Variants in RTN4R observed in about 807,000 individuals in gnomAD.
The protein encoded by RTN4R is reticulon 4 receptor, also known as reticulon-4 receptor.
In RTN4R, 4 loss-of-function variants were observed where a neutral mutation model predicts 27.7. That is an observed-to-expected ratio of 0.14 (90% CI 0.07 to 0.33). The LOEUF (loss-of-function observed/expected upper bound fraction) is 0.33. RTN4R is among the 10% of genes least tolerant of loss of function. The pLI is 1.00. For synonymous variants in RTN4R, 290 were observed against 305.6 expected, an observed-to-expected ratio of 0.95 and a Z score of 0.53; for missense variants, 554 against 671.5, an observed-to-expected ratio of 0.83 and a Z score of 1.93.
chr22:20,263,791 T>C (rs905429060), intron 1 of RTN4R, among the ~76,000 whole-genome samples: 2 of 152,272 alleles, frequency 1.3e-5, no homozygotes, highest in African/African-American at 4.8e-5. Flanking sequence ...GTCTGGCTGC[T>C]GTGGGTTGCC....
At chr22:20,262,131 G>T (rs943551712) in intron 1 of RTN4R, among the ~76,000 whole-genome samples, 6 of 152,336 alleles carry the variant, frequency 3.9e-5, no homozygotes, top group East Asian at 1.9e-4. Context: ...CAGGGTGCAG[G>T]TTTGACACTG....
chr22:20,264,751 C>T (rs977002927), intron 1 of RTN4R, among the ~76,000 whole-genome samples: 5 of 152,182 alleles, frequency 3.3e-5, no homozygotes, highest in African/African-American at 2.4e-5. Context: ...AGGCAGCAGG[C>T]GGCCAAGCCA....
At chr22:20,250,427 C>T (rs187784872) in intron 1 of RTN4R, among the ~76,000 whole-genome samples, 7 of 152,224 alleles carry the variant, frequency 4.6e-5, no homozygotes, top group Admixed American at 6.5e-5. Context: ...AACAGTTTGC[C>T]GACCTGGTTT....
At chr22:20,262,336 G>A (rs1019000020) in intron 1 of RTN4R, among the ~76,000 whole-genome samples, 12 of 152,202 alleles carry the variant, frequency 7.9e-5, no homozygotes, top group Non-Finnish European at 1.5e-4. Context: ...CCGGGCACAC[G>A]GCAGGGAGGA....
At chr22:20,261,453 A>G (rs954206312) in intron 1 of RTN4R, among the ~76,000 whole-genome samples, 4 of 152,166 alleles carry the variant, frequency 2.6e-5, no homozygotes, top group Admixed American at 2.0e-4. Context: ...AGCTGCCACT[A>G]TGGCCGGGTC....
Position 20,243,066 on chromosome 22 carries a change from C to T in RTN4R, c.67G>A (p.Val23Met). 1 of 1,600,340 alleles carries T rather than the reference C, an allele frequency of 6.2e-7. No individual in the cohort carries two copies. Among genetic ancestry groups the T allele is most frequent in the South Asian group, 1.1e-5 (1 of 91,076 alleles). The change falls in exon 2 of 2, where the codon GTG (valine) becomes ATG (methionine). Residue 23 changes from valine (V) to methionine (M), a missense_variant. By Grantham distance (21) the Val-to-Met change is conservative. Transcript: ENST00000043402. ...CAGGCACCTGGGCATGGGGCTGCCA[C>T]CTGCCAGGCCTGCAGCCACAGCACC... ...AWVLWLQAWQVAAPCPGACVC... is the reference protein window; with the variant it reads ...AWVLWLQAWQMAAPCPGACVC...
rs1569044528 is a variant in RTN4R at position 20,268,265 on chromosome 22, C to T, written c.-173G>A. On this transcript the variant is annotated 5_prime_UTR_variant, in exon 1 of 2. Coordinates refer to ENST00000043402, the MANE Select transcript of RTN4R (RefSeq NM_023004.6). ...CCCGGCTCTGGCTGGGCTCGGGCCG[C>T]GGGTGCGCAGGGCGCGCAGGGCGCA... 4.2e-5 allele frequency: 1 copy of T among 23,582 alleles called. No homozygotes were observed. Among genetic ancestry groups the T allele is most frequent in the East Asian group, 2.7e-3 (1 of 368 alleles). 1.5% of individuals were successfully genotyped at this position (23,582 alleles called of 1,614,324 possible). A position where few individuals can be genotyped will look rare whatever the true frequency, so the allele number is the denominator to read the frequency against.
chr22:20,256,390 G>T (rs1859416855), intron 1 of RTN4R, among the ~76,000 whole-genome samples: 1 of 152,208 alleles, frequency 6.6e-6, no homozygotes, highest in Admixed American at 6.5e-5. Flanking sequence ...TCCCACAGAG[G>T]ACACTCCAGC....
chr22:20,267,136 G>A (rs1419114135), intron 1 of RTN4R, among the ~76,000 whole-genome samples: 1 of 152,276 alleles, frequency 6.6e-6, no homozygotes, highest in East Asian at 1.9e-4. Context: ...TGCACCCTCA[G>A]AGTCCGTGTG....
chr22:20,262,876 C>T (rs2051255900), intron 1 of RTN4R, among the ~76,000 whole-genome samples: 1 of 152,190 alleles, frequency 6.6e-6, no homozygotes, highest in African/African-American at 2.4e-5. Context: ...TGGCAGAAGG[C>T]AAATAAAGGC....
intron 1 of RTN4R, among the ~76,000 whole-genome samples, chr22:20,263,240 C>T (rs1282437962): frequency 6.6e-6 from 1 of 152,132 alleles, no homozygotes; most frequent in African/African-American, 2.4e-5. Context: ...TTGCTGGAGG[C>T]CCACAGGTCT....
At chr22:20,254,963 T>C (rs183685064) in intron 1 of RTN4R, among the ~76,000 whole-genome samples, 127 of 152,094 alleles carry the variant, frequency 8.4e-4, no homozygotes, top group Admixed American at 1.6e-3. Flanking sequence ...GGGACCTGGG[T>C]TGGGAAACAC....
At position 20,245,148 on chromosome 22, in the gene RTN4R, C is replaced by T. The variant is rs745319287; in HGVS notation, c.23-2038G>A. Among the ~76,000 whole-genome samples, 9 of 152,082 alleles carry T rather than the reference C, an allele frequency of 5.9e-5. No homozygotes were observed. The South Asian group carries it at 1.0e-3, about 18-fold the overall frequency. On this transcript the variant is annotated intron_variant, in intron 1 of 1. Transcript: ENST00000043402. The stretch of plus-strand genomic sequence containing the variant: ...GCCAGAACTGAGCCACACGGTGGTG[C>T]GGGGTCGGGGGAGACAGGGGAGGAC...
In RTN4R at chr22:20,242,521, G is replaced by C; in HGVS notation, c.612C>G (p.Leu204=). 2 of 1,613,704 alleles carry C rather than the reference G, an allele frequency of 1.2e-6. No individual in the cohort carries two copies. Among genetic ancestry groups the C allele is most frequent in the East Asian group, 2.2e-5 (1 of 44,884 alleles). The change falls in exon 2 of 2, where the codon CTC becomes CTG. Residue 204 remains leucine, a synonymous_variant. Coordinates refer to ENST00000043402, the MANE Select transcript of RTN4R (RefSeq NM_023004.6). ...GGTTCTGGTGCAGTAGGAGACGGTC[G>C]AGGCTGTGCAGCCCACGGAAGGCGC... ...PERAFRGLHS[L]DRLLLHQNRV...
In RTN4R at chr22:20,247,417, G is replaced by A. The variant is rs532186783; in HGVS notation, c.23-4307C>T. Among the ~76,000 whole-genome samples the A allele has an allele frequency of 5.9e-3, 898 of 152,062 alleles. 7 individuals carry two copies. Among genetic ancestry groups the A allele is most frequent in the Admixed American group, 0.012 (188 of 15,280 alleles). ...TCATCCCCACACCACAGAGGGTCAG[G>A]GCACCCCTCCCACGCCTGCTCCCCA... On this transcript the variant is annotated intron_variant, in intron 1 of 1. Coordinates refer to ENST00000043402, the MANE Select transcript of RTN4R (RefSeq NM_023004.6).
chr22:20,262,884 G>A (rs1164808621), intron 1 of RTN4R, among the ~76,000 whole-genome samples: 1 of 152,208 alleles, frequency 6.6e-6, no homozygotes, highest in Non-Finnish European at 1.5e-5. Context: ...GGCAAATAAA[G>A]GCAACATCTC....
At chr22:20,267,709 G>T (rs757691604) in intron 1 of RTN4R, 5 of 439,544 alleles carry the variant, frequency 1.1e-5, no homozygotes, top group Admixed American at 1.0e-4. Flanking sequence ...GCAAAAACCC[G>T]CTCGTTAACC....
rs760043964 is a variant in RTN4R, at chr22:20,242,840, G to C, written c.293C>G (p.Ala98Gly). The C allele has an allele frequency of 1.2e-5, 19 of 1,612,910 alleles. No individual in the cohort carries two copies. The highest frequency in any genetic ancestry group is 1.4e-5 in the Non-Finnish European group (17 of 1,179,952). ...LHSNVLARID[A>G]AAFTGLALLE... ...GAGGGCCAGGCCAGTGAAGGCAGCC[G>C]CATCAATTCGGGCCAGCACATTCGA... is the stretch of plus-strand genomic sequence containing the variant. Residue 98 changes from alanine (A) to glycine (G), a missense_variant, in exon 2 of 2, where the codon GCG becomes GGG. Ala to Gly is a moderately conservative substitution (Grantham distance 60, BLOSUM62 0). Around this residue, in one of 2 missense-constraint regions of RTN4R, gnomAD observed 413 missense variants for 542.3 expected, o/e 0.76. Coordinates refer to ENST00000043402, the MANE Select transcript of RTN4R (RefSeq NM_023004.6).
chr22:20,261,030 C>T (rs1052352399), intron 1 of RTN4R, among the ~76,000 whole-genome samples: 7 of 152,320 alleles, frequency 4.6e-5, no homozygotes, highest in South Asian at 2.1e-4. Context: ...CATGAACTAA[C>T]GTGTCTCTCA....
Sources: allele counts gnomAD v4.1 joint callset (sites outside exome capture counted in the v4.1 genomes callset), GRCh38; gene constraint gnomAD v4.1.1; regional missense constraint gnomAD v4.1.1; transcripts MANE v1.5; gene names NCBI Gene and HGNC (gene_info 2026-07-23, HGNC 2026-07-21).